PRELID2: variants seen among roughly 807,000 people sequenced by gnomAD.
PRELID2 encodes the protein PRELI domain-containing protein 2.
In PRELID2, 25 loss-of-function variants were observed where a neutral mutation model predicts 28.4. The ratio of observed to expected loss-of-function variants is 0.88; its 90% CI spans 0.64 to 1.23. PRELID2 has a LOEUF of 1.23. Ranked by LOEUF, PRELID2 falls within the 50% of genes most tolerant of loss-of-function variation. PRELID2 has a pLI of 0.00. For synonymous variants in PRELID2, 76 were observed against 71.6 expected, an observed-to-expected ratio of 1.06 and a Z score of -0.31; for missense variants, 201 against 214.4, an observed-to-expected ratio of 0.94 and a Z score of 0.39.
At chr5:145,739,244 G>A (rs932613242) in intron 1 of PRELID2, among the ~76,000 whole-genome samples, 1 of 152,136 alleles carries the variant, frequency 6.6e-6, no homozygotes, top group Non-Finnish European at 1.5e-5. Flanking sequence ...GGTGGCTCAC[G>A]CCTGTAATCC....
chr5:145,694,226 T>C lies in PRELID2; in HGVS notation n.70+70705A>G, dbSNP rs190167477. On this transcript the variant is annotated intron_variant and non_coding_transcript_variant, in intron 1 of 2. Coordinates refer to the PRELID2 transcript ENST00000510259. ...GTTAACATTTACAGTATATTTCTGT[T>C]TTTAAACACAGTGTATGAACATATT... 8.5e-5 allele frequency among the ~76,000 whole-genome samples: 13 copies of C among 152,352 alleles called. No individual in the cohort carries two copies. The East Asian group carries it at 2.3e-3, about 27-fold the overall frequency.
intron 1 of PRELID2, among the ~76,000 whole-genome samples, chr5:145,569,825 A>T (rs565206342): frequency 6.6e-6 from 1 of 152,324 alleles, no homozygotes; most frequent in East Asian, 1.9e-4. Flanking sequence ...TGTTTTTGCT[A>T]GTTGTCCATC....
At chr5:145,602,572 G>A (rs1209733018) in intron 1 of PRELID2, among the ~76,000 whole-genome samples, 3 of 151,852 alleles carry the variant, frequency 2.0e-5, no homozygotes, top group African/African-American at 7.3e-5. Context: ...CACAGTAAAG[G>A]AAATAAAAGC....
At chr5:145,783,510 C>T (rs1171945900) in intron 5 of PRELID2, among the ~76,000 whole-genome samples, 1 of 152,130 alleles carries the variant, frequency 6.6e-6, no homozygotes, top group Non-Finnish European at 1.5e-5. Context: ...TAGAAATAAG[C>T]TGTTAAAAAT....
Position 145,719,173 on chromosome 5 carries a change from T to C in PRELID2, n.70+45758A>G, listed in dbSNP as rs112076277. Among the ~76,000 whole-genome samples the C allele has an allele frequency of 2.7e-3, 415 of 151,898 alleles. 3 individuals are homozygous for C. Among genetic ancestry groups the C allele is most frequent in the African/African-American group, 9.2e-3 (383 of 41,464 alleles). On this transcript the variant is annotated intron_variant and non_coding_transcript_variant, in intron 1 of 2. Transcript: ENST00000510259. The stretch of plus-strand genomic sequence containing the variant: ...GAACACTAGCTCCCCCTGAAGGCAT[T>C]TGTAGAGAATGTGGGAAGTCCAGGA...
the PRELID2 span, among the ~76,000 whole-genome samples, chr5:145,415,220 T>C: frequency 6.6e-6 from 1 of 152,320 alleles, no homozygotes; most frequent in South Asian, 2.1e-4. Flanking sequence ...AACGTGTTCC[T>C]GAATGACTCT....
At chr5:145,327,240 A>G in the PRELID2 span, among the ~76,000 whole-genome samples, 1 of 152,048 alleles carries the variant, frequency 6.6e-6, no homozygotes, top group South Asian at 2.1e-4. Context: ...TTATTATTGT[A>G]TTGCTGATAA....
chr5:145,236,683 A>C, the PRELID2 span, among the ~76,000 whole-genome samples: 1 of 152,058 alleles, frequency 6.6e-6, no homozygotes, highest in African/African-American at 2.4e-5. Context: ...TTTTCTCTTC[A>C]GAAATTTACC....
chr5:145,301,930 CTT>C, the PRELID2 span, among the ~76,000 whole-genome samples: 401 of 110,174 alleles, frequency 3.6e-3, 1 homozygote, highest in African/African-American at 0.013. Context: ...TTATTCATTT[CTT>C]TTTTTTTTTT....
At chr5:145,326,401 C>T in the PRELID2 span, among the ~76,000 whole-genome samples, 1 of 152,072 alleles carries the variant, frequency 6.6e-6, no homozygotes, top group Non-Finnish European at 1.5e-5. Context: ...CAAGCTGATA[C>T]TAGAATTCAT....
chr5:145,798,594 T>C (rs1454308056), intron 4 of PRELID2, among the ~76,000 whole-genome samples: 1 of 152,208 alleles, frequency 6.6e-6, no homozygotes, highest in Non-Finnish European at 1.5e-5. Context: ...TGCAGCACTA[T>C]TCACAATAGC....
chr5:145,271,499 C>A, the PRELID2 span, among the ~76,000 whole-genome samples: 1 of 152,058 alleles, frequency 6.6e-6, no homozygotes, highest in East Asian at 1.9e-4. Context: ...TATAGGTGAG[C>A]CCCCATACTT....
At chr5:145,258,576 A>G in the PRELID2 span, among the ~76,000 whole-genome samples, 1 of 152,216 alleles carries the variant, frequency 6.6e-6, no homozygotes, top group Non-Finnish European at 1.5e-5. Flanking sequence ...AATTTAGGGT[A>G]TCTGTAGAAC....
At chr5:145,471,770 T>A (rs1012334475), downstream of PRELID2, 1 of 152,104 alleles carries the variant, frequency 6.6e-6, no homozygotes, top group Non-Finnish European at 1.5e-5. Context: ...AAAACTGACA[T>A]ATGTAATACA....
At chr5:145,243,429 TA>T in the PRELID2 span, among the ~76,000 whole-genome samples, 5 of 151,240 alleles carry the variant, frequency 3.3e-5, no homozygotes, top group Admixed American at 2.6e-4. Flanking sequence ...CTTTTCATAT[TA>T]AAAAAAAAGA....
the PRELID2 span, among the ~76,000 whole-genome samples, chr5:145,392,162 C>T: frequency 1.8e-3 from 268 of 152,282 alleles, 1 homozygote; most frequent in African/African-American, 5.7e-3. Flanking sequence ...CCCATTCTCA[C>T]GCTGCCAATA....
intron 1 of PRELID2, among the ~76,000 whole-genome samples, chr5:145,505,464 C>T (rs1341960815): frequency 6.6e-6 from 1 of 152,138 alleles, no homozygotes; most frequent in Non-Finnish European, 1.5e-5. Context: ...ACATCTTTTT[C>T]TTGATTACTA....
intron 1 of PRELID2, among the ~76,000 whole-genome samples, chr5:145,519,159 A>T (rs577315244): frequency 6.6e-6 from 1 of 152,330 alleles, no homozygotes; most frequent in African/African-American, 2.4e-5. Flanking sequence ...GTTATCTAGC[A>T]CTAGGAGCCT....
At chr5:145,467,548 T>C (rs116085370), downstream of PRELID2, among the ~76,000 whole-genome samples, 241 of 152,316 alleles carry the variant, frequency 1.6e-3, no homozygotes, top group Admixed American at 2.3e-3. Flanking sequence ...AATATATATT[T>C]AGTATCTACC....
Sources: allele counts gnomAD v4.1 joint callset (sites outside exome capture counted in the v4.1 genomes callset), GRCh38; gene constraint gnomAD v4.1.1; transcripts MANE v1.5; gene names NCBI Gene and HGNC (gene_info 2026-07-23, HGNC 2026-07-21).